The following HIPK2 variants were observed in gnomAD, a reference collection of about 807,000 sequenced individuals.
HIPK2 encodes homeodomain interacting protein kinase 2.
HIPK2 carries 27 observed loss-of-function variants against 113.7 expected under a neutral mutation model. That is an observed-to-expected ratio of 0.24 (90% CI 0.17 to 0.33). The LOEUF is 0.33. Among genes scored for constraint, HIPK2 ranks in the 10% least tolerant of loss-of-function variants. HIPK2 has a pLI of 1.00. For synonymous variants in HIPK2, 631 were observed against 642.2 expected (o/e 0.98, Z 0.26); for missense variants, 1,257 against 1,588.0 (o/e 0.79, Z 3.54).
chr7:139,716,551 T>C lies in HIPK2; in HGVS notation c.484A>G (p.Thr162Ala), dbSNP rs1273878882. 1 of 1,613,982 alleles carries C rather than the reference T, an allele frequency of 6.2e-7. No homozygotes were observed. The highest frequency in any genetic ancestry group is 8.5e-7 in the Non-Finnish European group (1 of 1,179,880). Residue 162 changes from threonine (T) to alanine (A), a missense_variant, in exon 2 of 15, where the codon ACT becomes GCT. By Grantham distance (58) the Thr-to-Ala change is moderately conservative. This residue lies in a region of HIPK2 where 209 missense variants were observed against 237.8 expected (regional missense o/e 0.88). Coordinates refer to ENST00000406875, the MANE Select transcript of HIPK2 (RefSeq NM_022740.5). The surrounding 1 kb of genome is among the most constrained non-coding windows in gnomAD (Gnocchi z 9.3). ...GTAGACGTGGTGGCAGTGGCGACAG[T>C]GGCCCCGCTTGCATTATTCTGAATC... Reference protein sequence around the residue: ...PMIQNNASGATVATATTSTAT... With the variant: ...PMIQNNASGAAVATATTSTAT...
intron 2 of HIPK2, among the ~76,000 whole-genome samples, chr7:139,709,562 C>T (rs907276812): frequency 1.3e-5 from 2 of 152,178 alleles, no homozygotes; most frequent in Non-Finnish European, 2.9e-5. Flanking sequence ...AGGCCAAGGT[C>T]AACCCACAGG....
At chr7:139,732,874 G>C (rs1585434818) in intron 1 of HIPK2, among the ~76,000 whole-genome samples, 2 of 148,732 alleles carry the variant, frequency 1.3e-5, no homozygotes, top group East Asian at 2.0e-4. Context: ...ATATGGTTTG[G>C]ATCAGTGTCC....
At chr7:139,730,284 C>T (rs966201662) in intron 1 of HIPK2, among the ~76,000 whole-genome samples, 15 of 152,112 alleles carry the variant, frequency 9.9e-5, no homozygotes, top group African/African-American at 3.4e-4. Flanking sequence ...GTTTGTGGCA[C>T]ACAGAATCAG....
chr7:139,582,410 C>T (rs952353292), intron 13 of HIPK2, among the ~76,000 whole-genome samples: 3 of 152,204 alleles, frequency 2.0e-5, no homozygotes, highest in African/African-American at 4.8e-5. Flanking sequence ...GTGTCTTTCT[C>T]GCTGTAGGCA....
At chr7:139,668,142 AAGC>A (rs1802120802) in intron 2 of HIPK2, among the ~76,000 whole-genome samples, 2 of 151,402 alleles carry the variant, frequency 1.3e-5, no homozygotes, top group African/African-American at 2.4e-5. Context: ...AAAAAAAAAA[AAGC>A]AAGCAAGCAA....
chr7:139,629,197 T>A (rs1301717358), intron 4 of HIPK2, 158 bp from the exon 5 acceptor site: 1 of 169,936 alleles, frequency 5.9e-6, no homozygotes, highest in African/African-American at 2.4e-5. Context: ...TTCCCTTCTC[T>A]CTTCATCCAC....
chr7:139,647,882 C>T (rs976926619), intron 2 of HIPK2, among the ~76,000 whole-genome samples: 5 of 152,214 alleles, frequency 3.3e-5, no homozygotes, highest in African/African-American at 1.2e-4. Context: ...TGGAAATCAG[C>T]GAGGGCCTGC....
At chr7:139,671,435 C>G (rs1207919174) in intron 2 of HIPK2, among the ~76,000 whole-genome samples, 1 of 152,224 alleles carries the variant, frequency 6.6e-6, no homozygotes, top group African/African-American at 2.4e-5. Context: ...CCTATCTTTA[C>G]ATGAGTCTCC....
At chr7:139,773,704 T>C (rs1796691801) in intron 1 of HIPK2, among the ~76,000 whole-genome samples, 1 of 152,144 alleles carries the variant, frequency 6.6e-6, no homozygotes, top group African/African-American at 2.4e-5. Flanking sequence ...AAATTGTCTT[T>C]TGTAGGAAAA....
chr7:139,666,973 A>G (rs945876402), intron 2 of HIPK2, among the ~76,000 whole-genome samples: 8 of 152,042 alleles, frequency 5.3e-5, no homozygotes, highest in African/African-American at 1.9e-4. Context: ...AGGCAGAAGA[A>G]TCGCTTGAAC....
chr7:139,716,954 A>G lies in HIPK2; in HGVS notation c.81T>C (p.Ser27=), dbSNP rs749201380. 1 of 1,613,928 alleles carries G rather than the reference A, an allele frequency of 6.2e-7. No individual in the cohort carries two copies. Among genetic ancestry groups the G allele is most frequent in the East Asian group, 2.2e-5 (1 of 44,874 alleles). Residue 27 remains serine (S), a synonymous_variant, in exon 2 of 15, where the codon AGT becomes AGC. Coordinates refer to ENST00000406875, the MANE Select transcript of HIPK2 (RefSeq NM_022740.5). The surrounding 1 kb of genome is among the most constrained non-coding windows in gnomAD (Gnocchi z 9.3). ...TCGGCTCTATTTTCAGTTTCTTCAC[A>G]CTACAGAAGGCACTTGATTGAAGGG... The part of the protein sequence containing the change: ...PHTLQSSAFC[S]VKKLKIEPSS...
intron 2 of HIPK2, among the ~76,000 whole-genome samples, chr7:139,655,983 C>T (rs1317976095): frequency 6.6e-6 from 1 of 152,210 alleles, no homozygotes; most frequent in Non-Finnish European, 1.5e-5. Context: ...TTCTCATCCT[C>T]AGCCTTGCCT....
chr7:139,648,853 T>G (rs1801346452), intron 2 of HIPK2, among the ~76,000 whole-genome samples: 2 of 151,964 alleles, frequency 1.3e-5, no homozygotes, highest in Non-Finnish European at 2.9e-5. Context: ...GTAGTCTGTA[T>G]TTACCATTAA....
At chr7:139,670,963 G>A (rs1369816094) in intron 2 of HIPK2, among the ~76,000 whole-genome samples, 5 of 151,772 alleles carry the variant, frequency 3.3e-5, no homozygotes, top group Admixed American at 6.6e-5. Flanking sequence ...GTTTTGCCAC[G>A]TTGTCCAGGC....
At chr7:139,592,762 G>A (rs980757903) in intron 12 of HIPK2, among the ~76,000 whole-genome samples, 1 of 152,148 alleles carries the variant, frequency 6.6e-6, no homozygotes, top group Admixed American at 6.5e-5. Context: ...TTTTCTAATC[G>A]AAATTGTCTA....
chr7:139,717,817 T>C, intron 1 of HIPK2, among the ~76,000 whole-genome samples: 1 of 152,196 alleles, frequency 6.6e-6, no homozygotes, highest in East Asian at 1.9e-4. Flanking sequence ...TGATCTCGGC[T>C]CACTGCCACC....
At chr7:139,641,076 A>G (rs945991337) in intron 2 of HIPK2, among the ~76,000 whole-genome samples, 1 of 151,644 alleles carries the variant, frequency 6.6e-6, no homozygotes, top group Admixed American at 6.6e-5. Flanking sequence ...AGAAATAAAA[A>G]CTCCCTGGCC....
chr7:139,703,599 A>C (rs1389284410), intron 2 of HIPK2, among the ~76,000 whole-genome samples: 1 of 152,016 alleles, frequency 6.6e-6, no homozygotes, highest in East Asian at 1.9e-4. Flanking sequence ...AGGACGAGGA[A>C]GGAGCTCTAA....
intron 2 of HIPK2, among the ~76,000 whole-genome samples, chr7:139,711,607 T>C (rs1795070865): frequency 6.6e-6 from 1 of 152,196 alleles, no homozygotes; most frequent in African/African-American, 2.4e-5. Context: ...TTTTAATCAC[T>C]GATTACCCTT....
Sources: gnomAD v4.1 joint callset for allele counts (sites outside exome capture counted in the v4.1 genomes callset) on GRCh38, gnomAD v4.1.1 for gene constraint, gnomAD v4.1.1 regional missense constraint, Gnocchi (gnomAD v3.1) non-coding constraint, MANE v1.5 for transcripts, NCBI Gene and HGNC (gene_info 2026-07-23, HGNC 2026-07-21) for gene names.